CRYL1: variants seen among roughly 807,000 people sequenced by gnomAD.
CRYL1 encodes the protein crystallin lambda 1.
A neutral mutation model predicts 36.6 loss-of-function variants in CRYL1; 29 were observed. That is an observed-to-expected ratio of 0.79 (90% confidence interval 0.59 to 1.08). The LOEUF is 1.08. CRYL1 is among the 50% of genes least tolerant of loss of function. The probability of loss-of-function intolerance (pLI) is 0.00; values close to 1 mark genes in which losing one functional copy is unlikely to be tolerated. For missense variants in CRYL1, 411 were observed against 407.9 expected (o/e 1.01, Z -0.06); for synonymous variants, 152 against 151.5 (o/e 1.00, Z -0.02).
chr13:20,508,867 AAAAAAAAAC>A (rs565154787), intron 2 of CRYL1, among the ~76,000 whole-genome samples: 11,271 of 31,340 alleles, frequency 0.36, 2,887 homozygotes, highest in Non-Finnish European at 0.53. Flanking sequence ...AAAAAAAAAA[AAAAAAAAAC>A]AAAAAAAAAA....
intron 6 of CRYL1, among the ~76,000 whole-genome samples, chr13:20,409,769 A>G (rs1320795816): frequency 6.6e-6 from 1 of 150,682 alleles, no homozygotes; most frequent in Non-Finnish European, 1.5e-5. Context: ...GCAGCCAAAA[A>G]ACACATGAAA....
intron 1 of CRYL1, chr13:20,515,860 T>C (rs781119056): frequency 1.3e-5 from 2 of 152,140 alleles, no homozygotes; most frequent in African/African-American, 2.4e-5. Context: ...AATGGGAACA[T>C]ACTTAACACT....
chr13:20,453,503 C>A (rs1436058359), intron 3 of CRYL1, among the ~76,000 whole-genome samples: 1 of 129,744 alleles, frequency 7.7e-6, no homozygotes, highest in African/African-American at 2.6e-5. Flanking sequence ...TTGGATTCAA[C>A]TAAAGCAATG....
intron 3 of CRYL1, among the ~76,000 whole-genome samples, chr13:20,462,551 ATAAC>A (rs2032852355): frequency 6.7e-6 from 1 of 149,606 alleles, no homozygotes; most frequent in South Asian, 2.2e-4. Flanking sequence ...GTTTAAAATA[ATAAC>A]TAAGTAGTTG....
At chr13:20,446,134 C>A (rs1488705150) in intron 3 of CRYL1, among the ~76,000 whole-genome samples, 3 of 151,974 alleles carry the variant, frequency 2.0e-5, no homozygotes, top group African/African-American at 7.3e-5. Flanking sequence ...TATTTTGTAA[C>A]AGAGTCCTGC....
intron 4 of CRYL1, among the ~76,000 whole-genome samples, chr13:20,436,338 G>A (rs1334690103): frequency 1.3e-5 from 2 of 152,194 alleles, no homozygotes; most frequent in Admixed American, 6.5e-5. Context: ...GTAAAGTGTG[G>A]CTAAACTATC....
At chr13:20,477,970 G>GTT (rs10640166) in intron 3 of CRYL1, among the ~76,000 whole-genome samples, 18,567 of 138,724 alleles carry the variant, frequency 0.13, 1,651 homozygotes, top group Admixed American at 0.21. Context: ...ATATTACGTA[G>GTT]TTATATATAT....
In CRYL1 at chr13:20,481,637, G is replaced by A. The variant is rs575327931; in HGVS notation, c.276+7733C>T. On this transcript the variant is annotated intron_variant, in intron 3 of 7. Coordinates refer to ENST00000298248, the MANE Select transcript of CRYL1 (RefSeq NM_015974.3). This position sits in a 1 kb window ranked among gnomAD's most constrained non-coding sequence, Gnocchi z 4.1. ...AAGAAAAAAACACGTATGGCCATGC[G>A]TGGTGGCTCACTCCTGTAATTCCAG... Among the ~76,000 whole-genome samples the A allele has an allele frequency of 6.6e-6, 1 of 152,148 alleles. No individual in the cohort carries two copies. The highest frequency in any genetic ancestry group is 1.5e-5 in the Non-Finnish European group (1 of 68,034).
chr13:20,438,197 CTCT>C (rs1328753822), intron 4 of CRYL1, among the ~76,000 whole-genome samples: 2 of 152,174 alleles, frequency 1.3e-5, no homozygotes, highest in Non-Finnish European at 2.9e-5. Context: ...CAAGCTGCTG[CTCT>C]TCTTAGCACA....
chr13:20,415,277 A>C lies in CRYL1; in HGVS notation c.634-1890T>G, dbSNP rs1431502215. Among the ~76,000 whole-genome samples the C allele has an allele frequency of 6.6e-6, 1 of 152,114 alleles. No individual in the cohort carries two copies. The highest frequency in any genetic ancestry group is 2.4e-5 in the African/African-American group (1 of 41,418). ...GGGAGGCACCCTCTGCCCTGCTGCG[A>C]GCCTGGGGCGCCTGGGCCTGGCCTC... On this transcript the variant is annotated intron_variant, in intron 5 of 7. Transcript: ENST00000298248. This position sits in a 1 kb window ranked among gnomAD's most constrained non-coding sequence, Gnocchi z 4.1.
intron 5 of CRYL1, 161 bp downstream of exon 5, chr13:20,431,941 C>T (rs1264626028): frequency 4.6e-6 from 7 of 1,536,860 alleles, no homozygotes; most frequent in East Asian, 2.4e-5. Flanking sequence ...AAAGCTGGCC[C>T]TTGGTCTCCA....
chr13:20,404,642 A>G lies in CRYL1; in HGVS notation c.839T>C (p.Val280Ala), dbSNP rs1366741562. Residue 280 changes from valine (V) to alanine (A), a missense_variant, in exon 7 of 8, where the codon GTT becomes GCT. Coordinates refer to ENST00000298248, the MANE Select transcript of CRYL1 (RefSeq NM_015974.3). ...PEFSRATAEK[V>A]NQDMCMKVPD... Reference sequence around the variant, plus strand: ...TGCAGAGAAGTTACATACCTGGTTAACCTTCTCAGCAGTGGCCCTGGAAAA... The same window carrying G: ...TGCAGAGAAGTTACATACCTGGTTAGCCTTCTCAGCAGTGGCCCTGGAAAA... 1.2e-6 allele frequency: 2 copies of G among 1,608,574 alleles called. No individual in the cohort carries two copies.
chr13:20,524,017 T>C (rs1387724087), intron 1 of CRYL1, among the ~76,000 whole-genome samples: 1 of 152,144 alleles, frequency 6.6e-6, no homozygotes, highest in East Asian at 1.9e-4. Flanking sequence ...CCCAACACTT[T>C]GGGAGGCCAA....
chr13:20,489,274 A>G lies in CRYL1; in HGVS notation c.276+96T>C, dbSNP rs1047633610. 30 of 1,473,646 alleles carry G rather than the reference A, an allele frequency of 2.0e-5. No individual in the cohort carries two copies. The East Asian group carries it at 6.6e-4, about 33-fold the overall frequency. 91.3% of individuals were successfully genotyped at this position (1,473,646 alleles called of 1,614,324 possible). Reference sequence around the variant, plus strand: ...GCCCTTGAAGATGCAAAATGCCCACACCTGCCACTGCTCTGTATCCTGCCC... The same window carrying G: ...GCCCTTGAAGATGCAAAATGCCCACGCCTGCCACTGCTCTGTATCCTGCCC... On this transcript the variant is annotated intron_variant, in intron 3 of 7. Coordinates refer to ENST00000298248, the MANE Select transcript of CRYL1 (RefSeq NM_015974.3).
At position 20,525,684 on chromosome 13, in the gene CRYL1, A is replaced by T; in HGVS notation, c.41+70T>A. The T allele has an allele frequency of 7.9e-7, 1 of 1,259,926 alleles. No individual in the cohort carries two copies. The highest frequency in any genetic ancestry group is 1.0e-6 in the Non-Finnish European group (1 of 985,216). 78.0% of individuals were successfully genotyped at this position (1,259,926 alleles called of 1,614,324 possible). On this transcript the variant is annotated intron_variant, in intron 1 of 7. Transcript: ENST00000298248. The surrounding 1 kb of genome is among the most constrained non-coding windows in gnomAD (Gnocchi z 4.3). ...ACCCGGCGCCCACCCCGAGGGCCCC[A>T]CGCGAGGGCACCACGTCCCCGGCGT...
intron 3 of CRYL1, among the ~76,000 whole-genome samples, chr13:20,440,637 A>G (rs2032330115): frequency 1.3e-5 from 2 of 152,178 alleles, no homozygotes; most frequent in African/African-American, 2.4e-5. Flanking sequence ...TATTTTCCCT[A>G]TCTGCTTTGA....
At chr13:20,465,861 T>C (rs1159939363) in intron 3 of CRYL1, among the ~76,000 whole-genome samples, 1 of 150,666 alleles carries the variant, frequency 6.6e-6, no homozygotes, top group Non-Finnish European at 1.5e-5. Context: ...GTCATGGGGG[T>C]GGATCCCACA....
At chr13:20,517,569 T>C (rs2034023065) in intron 1 of CRYL1, among the ~76,000 whole-genome samples, 1 of 151,596 alleles carries the variant, frequency 6.6e-6, no homozygotes, top group Admixed American at 6.6e-5. Context: ...CACTCCAGCC[T>C]GGGCAACAAG....
intron 6 of CRYL1, among the ~76,000 whole-genome samples, chr13:20,405,269 T>C (rs1421768258): frequency 2.2e-4 from 33 of 147,068 alleles, no homozygotes; most frequent in Non-Finnish European, 1.0e-4. Flanking sequence ...AGACTCCGTC[T>C]CAAAAAAAAA....
Sources: gnomAD v4.1 joint callset for allele counts (sites outside exome capture counted in the v4.1 genomes callset) on GRCh38, gnomAD v4.1.1 for gene constraint, Gnocchi (gnomAD v3.1) non-coding constraint, MANE v1.5 for transcripts, NCBI Gene and HGNC (gene_info 2026-07-23, HGNC 2026-07-21) for gene names.